Variants in ACAD11 observed in about 807,000 individuals in gnomAD.
The protein encoded by ACAD11 is acyl-Coenzyme A dehydrogenase family, member 11.
Under a neutral mutation model 102.2 loss-of-function variants are expected in ACAD11, and 83 were observed. The ratio of observed to expected loss-of-function variants is 0.81; its 90% CI spans 0.68 to 0.97. The LOEUF is 0.97. Among genes scored for constraint, ACAD11 ranks in the 50% least tolerant of loss-of-function variants. The pLI is 0.00. For missense variants in ACAD11, 901 were observed against 951.7 expected (o/e 0.95, Z 0.70); for synonymous variants, 324 against 319.8 (o/e 1.01, Z -0.14).
chr3:132,609,568 A>G (rs376632784), intron 11 of ACAD11, among the ~76,000 whole-genome samples: 1 of 152,198 alleles, frequency 6.6e-6, no homozygotes, highest in African/African-American at 2.4e-5. Context: ...ATACCCTCCC[A>G]AGATTAAACC....
chr3:132,588,531 C>T (rs1937946004), intron 13 of ACAD11, among the ~76,000 whole-genome samples: 1 of 152,050 alleles, frequency 6.6e-6, no homozygotes, highest in Non-Finnish European at 1.5e-5. Context: ...ATTTCAAAAC[C>T]AATAAAACCA....
intron 4 of ACAD11, among the ~76,000 whole-genome samples, chr3:132,640,027 T>C (rs1051845463): frequency 1.3e-5 from 2 of 150,698 alleles, no homozygotes; most frequent in Non-Finnish European, 3.0e-5. Context: ...CACAAATATA[T>C]AGGCATAGAT....
intron 2 of ACAD11, among the ~76,000 whole-genome samples, chr3:132,643,676 A>C (rs1169881548): frequency 6.6e-6 from 1 of 152,104 alleles, no homozygotes; most frequent in Non-Finnish European, 1.5e-5. Context: ...AGCAGCCAGC[A>C]GTACCAAGGG....
intron 5 of ACAD11, among the ~76,000 whole-genome samples, chr3:132,637,808 C>G (rs1319067316): frequency 6.6e-6 from 1 of 152,120 alleles, no homozygotes; most frequent in East Asian, 1.9e-4. Context: ...CCTTTACTGG[C>G]TTACTCCACA....
intron 8 of ACAD11, among the ~76,000 whole-genome samples, chr3:132,627,896 C>A (rs1009677273): frequency 5.3e-5 from 8 of 152,084 alleles, no homozygotes; most frequent in Non-Finnish European, 1.2e-4. Context: ...GTGTTCGATG[C>A]CTGAAAAAGT....
chr3:132,610,348 C>A (rs1019967940), intron 11 of ACAD11, among the ~76,000 whole-genome samples: 1 of 152,000 alleles, frequency 6.6e-6, no homozygotes, highest in Non-Finnish European at 1.5e-5. Flanking sequence ...CAAAAGCTAG[C>A]AGAAGGCAAG....
intron 1 of ACAD11, chr3:132,650,503 T>TA (rs1480015065): frequency 6.6e-6 from 1 of 152,184 alleles, no homozygotes; most frequent in East Asian, 1.9e-4. Context: ...ACAGTTTTTT[T>TA]AAAAAATCAT....
intron 12 of ACAD11, among the ~76,000 whole-genome samples, chr3:132,604,119 T>C (rs755971466): frequency 2.6e-5 from 4 of 152,326 alleles, no homozygotes; most frequent in Non-Finnish European, 4.4e-5. Context: ...TCTGCTATTA[T>C]AGTAGTCCCC....
intron 11 of ACAD11, among the ~76,000 whole-genome samples, chr3:132,608,761 G>A (rs879050186): frequency 1.3e-5 from 2 of 152,132 alleles, no homozygotes; most frequent in South Asian, 4.1e-4. Flanking sequence ...AGGATATTCA[G>A]GACTTGAACT....
chr3:132,628,268 C>A (rs576790195), intron 8 of ACAD11, 72 bp downstream of exon 8: 33 of 1,048,850 alleles, frequency 3.1e-5, no homozygotes, highest in Non-Finnish European at 4.4e-5. Flanking sequence ...CCCTACTCCC[C>A]TAAAGTGTAT....
chr3:132,630,914 T>TA (rs1445072995), intron 6 of ACAD11, among the ~76,000 whole-genome samples: 1 of 151,842 alleles, frequency 6.6e-6, no homozygotes, highest in Non-Finnish European at 1.5e-5. Context: ...CTACAAAAAA[T>TA]AAAAAAATTA....
At chr3:132,612,612 A>G (rs1576589861) in intron 11 of ACAD11, among the ~76,000 whole-genome samples, 2 of 152,220 alleles carry the variant, frequency 1.3e-5, no homozygotes, top group East Asian at 3.9e-4. Flanking sequence ...GCAGCCAAAA[A>G]ACACATGAAA....
chr3:132,564,239 G>C (rs947625262), intron 17 of ACAD11, among the ~76,000 whole-genome samples: 5 of 152,112 alleles, frequency 3.3e-5, no homozygotes, highest in African/African-American at 7.2e-5. Flanking sequence ...TCTATGGTTT[G>C]TTCTTGTCTG....
intron 13 of ACAD11, among the ~76,000 whole-genome samples, chr3:132,595,674 G>A (rs529623820): frequency 3.4e-4 from 52 of 152,116 alleles, no homozygotes; most frequent in Non-Finnish European, 6.3e-4. Context: ...CATACATACC[G>A]CCAACAATCA....
At chr3:132,601,724 G>A (rs1460499404) in intron 13 of ACAD11, 1 of 434,570 alleles carries the variant, frequency 2.3e-6, no homozygotes, top group Non-Finnish European at 4.5e-6. Context: ...GAGCTTTGTG[G>A]TGATAATTTT....
chr3:132,634,607 G>T (rs561955036), intron 5 of ACAD11, among the ~76,000 whole-genome samples: 1 of 151,800 alleles, frequency 6.6e-6, no homozygotes, highest in Non-Finnish European at 1.5e-5. Flanking sequence ...ACATGCACAC[G>T]TATGTTTATT....
At chr3:132,576,029 A>G (rs1185653947) in intron 16 of ACAD11, 103 bp from the exon 17 acceptor site, 2 of 1,379,446 alleles carry the variant, frequency 1.4e-6, no homozygotes, top group African/African-American at 1.5e-5. Context: ...CCCTTAATAA[A>G]AATGGCTTTC....
In ACAD11 at chr3:132,641,642, GAA is replaced by G. The variant is rs1489766937; in HGVS notation, c.537+328_537+329del. ...GGAGGAAGAAGAGGAGGAAGAAGAG[GAA>G]GAAGAGGAGGAAGAAGAGGAGGAAG... On this transcript the variant is annotated intron_variant, in intron 4 of 19. Coordinates refer to ENST00000264990, the MANE Select transcript of ACAD11 (RefSeq NM_032169.5). 5.3e-5 allele frequency among the ~76,000 whole-genome samples: 8 copies of G among 150,242 alleles called. No homozygotes were observed. In the East Asian group the frequency reaches 6.1e-4, roughly 11 times the overall value.
intron 13 of ACAD11, among the ~76,000 whole-genome samples, chr3:132,594,726 A>C (rs1340403540): frequency 1.3e-5 from 2 of 152,168 alleles, no homozygotes; most frequent in Non-Finnish European, 1.5e-5. Flanking sequence ...GGGAACTAAA[A>C]TAGGGTGGGA....
Sources: gnomAD v4.1 joint callset for allele counts (sites outside exome capture counted in the v4.1 genomes callset) on GRCh38, gnomAD v4.1.1 for gene constraint, MANE v1.5 for transcripts, NCBI Gene and HGNC (gene_info 2026-07-23, HGNC 2026-07-21) for gene names.